The following ADGRL4 variants were observed in gnomAD, a reference collection of about 807,000 sequenced individuals.
ADGRL4 encodes the protein EGF, latrophilin and seven transmembrane domain containing 1.
In ADGRL4, 90 loss-of-function variants were observed where a neutral mutation model predicts 74.8. That is an observed-to-expected ratio of 1.20 (90% confidence interval 1.02 to 1.43). The LOEUF is 1.43. ADGRL4 is among the 40% of genes most tolerant of loss of function. ADGRL4 has a pLI of 0.00. For synonymous variants in ADGRL4, 311 were observed against 279.2 expected (o/e 1.11, Z -1.14); for missense variants, 881 against 814.3 (o/e 1.08, Z -1.00).
At chr1:78,929,040 T>A (rs1649182238) in intron 7 of ADGRL4, among the ~76,000 whole-genome samples, 1 of 151,614 alleles carries the variant, frequency 6.6e-6, no homozygotes, top group African/African-American at 2.4e-5. Context: ...TATGCTGCTT[T>A]ATTTTTTCAC....
intron 2 of ADGRL4, among the ~76,000 whole-genome samples, chr1:78,993,823 T>C (rs1650662869): frequency 6.6e-6 from 1 of 152,182 alleles, no homozygotes; most frequent in African/African-American, 2.4e-5. Context: ...TCCGTCCGCC[T>C]TGGCCTCCCA....
At chr1:78,972,180 A>C (rs1279937187) in intron 2 of ADGRL4, among the ~76,000 whole-genome samples, 1 of 152,174 alleles carries the variant, frequency 6.6e-6, no homozygotes, top group African/African-American at 2.4e-5. Context: ...ATTATCCTTC[A>C]TTTGCTACTT....
intron 2 of ADGRL4, among the ~76,000 whole-genome samples, chr1:78,981,626 C>T (rs764966934): frequency 7.3e-5 from 11 of 151,706 alleles, no homozygotes; most frequent in Non-Finnish European, 1.3e-4. Flanking sequence ...AACATATTAA[C>T]CATATTGTAT....
In ADGRL4 at chr1:78,890,390, CA is replaced by C. The variant is rs1401888129; in HGVS notation, c.*763del. ...ATTTATATTTTACTGATTAACTATC[CA>C]AAGTCACAATCTGTGAAATAAGTAA... On this transcript the variant is annotated 3_prime_UTR_variant, in exon 15 of 15. Transcript: ENST00000370742. 1.3e-5 allele frequency: 2 copies of C among 151,222 alleles called. No individual in the cohort carries two copies. The highest frequency in any genetic ancestry group is 3.9e-4 in the East Asian group (2 of 5,170). The allele number at this position is 151,222 out of a possible 1,614,324, so 9.4% of individuals were successfully genotyped here.
chr1:78,982,238 C>A (rs1389144007), intron 2 of ADGRL4, among the ~76,000 whole-genome samples: 5 of 151,864 alleles, frequency 3.3e-5, no homozygotes, highest in African/African-American at 1.2e-4. Flanking sequence ...CTCACAATTT[C>A]ATGCTTTAAC....
intron 2 of ADGRL4, among the ~76,000 whole-genome samples, chr1:78,983,617 T>C (rs1313841387): frequency 6.6e-6 from 1 of 151,800 alleles, no homozygotes; most frequent in Non-Finnish European, 1.5e-5. Context: ...AAGAGGAACA[T>C]TCAATTGAAA....
chr1:78,914,271 G>A (rs1228975943), intron 12 of ADGRL4, among the ~76,000 whole-genome samples: 1 of 151,812 alleles, frequency 6.6e-6, no homozygotes, highest in Non-Finnish European at 1.5e-5. Context: ...CATCTTACCA[G>A]TATGACTTAT....
intron 3 of ADGRL4, chr1:78,939,660 G>T (rs1439010482): frequency 2.0e-5 from 3 of 152,956 alleles, no homozygotes; most frequent in African/African-American, 7.2e-5. Context: ...TTGGCAGTAA[G>T]CGCCATCATT....
chr1:78,976,729 AG>A (rs914401429), intron 2 of ADGRL4, among the ~76,000 whole-genome samples: 7 of 151,566 alleles, frequency 4.6e-5, no homozygotes, highest in African/African-American at 1.4e-4. Context: ...AAGCTTGTTC[AG>A]GAAGAAATAA....
chr1:78,995,769 G>T (rs1650699747), intron 2 of ADGRL4, among the ~76,000 whole-genome samples: 1 of 152,182 alleles, frequency 6.6e-6, no homozygotes, highest in Admixed American at 6.5e-5. Context: ...AGTCCAATCT[G>T]CTCATTTTAG....
intron 9 of ADGRL4, 42 bp from the exon 10 acceptor site, chr1:78,920,428 C>T (rs1648973031): frequency 1.6e-6 from 2 of 1,285,132 alleles, no homozygotes; most frequent in Non-Finnish European, 2.2e-6. Context: ...GAATAACTCA[C>T]TAAGTTGTCA....
At chr1:78,915,137 G>A (rs753910413) in intron 12 of ADGRL4, among the ~76,000 whole-genome samples, 6 of 151,816 alleles carry the variant, frequency 4.0e-5, no homozygotes, top group Non-Finnish European at 8.8e-5. Context: ...AATAGCTCAA[G>A]TCTTTGAGTT....
At chr1:79,005,522 A>G (rs1285026389) in intron 1 of ADGRL4, among the ~76,000 whole-genome samples, 1 of 152,202 alleles carries the variant, frequency 6.6e-6, no homozygotes, top group Non-Finnish European at 1.5e-5. Context: ...TCAGTATAGC[A>G]TGTTGATTAA....
chr1:78,918,051 C>G lies in ADGRL4; in HGVS notation c.1462-1G>C, dbSNP rs1648915663. 3.2e-6 allele frequency: 5 copies of G among 1,559,478 alleles called. No individual in the cohort carries two copies. Among genetic ancestry groups the G allele is most frequent in the Admixed American group, 1.9e-5 (1 of 51,376 alleles). ...GTCCGGCAATGATTGAACAGAAGAG[C>G]TAGAAATCAAAGAAAAAAAAAAAAA... On this transcript the variant is annotated splice_acceptor_variant, in intron 10 of 14. Coordinates refer to ENST00000370742, the MANE Select transcript of ADGRL4 (RefSeq NM_022159.4). LOFTEE classifies it high-confidence loss of function.
chr1:78,945,900 G>A (rs1649590339), intron 3 of ADGRL4, among the ~76,000 whole-genome samples: 1 of 151,902 alleles, frequency 6.6e-6, no homozygotes, highest in Non-Finnish European at 1.5e-5. Flanking sequence ...TATTTACAAA[G>A]GCCTCAGTAT....
rs568418509 is a variant in ADGRL4, at chr1:78,938,656, T to C, written c.397-377A>G. Among the ~76,000 whole-genome samples the C allele has an allele frequency of 3.4e-4, 51 of 152,228 alleles. 1 individual carries two copies. Among genetic ancestry groups the C allele is most frequent in the Non-Finnish European group, 6.9e-4 (47 of 67,918 alleles). On this transcript the variant is annotated intron_variant, in intron 4 of 14. Coordinates refer to ENST00000370742, the MANE Select transcript of ADGRL4 (RefSeq NM_022159.4). ...TATTGATATCCTAAGCAATAAATGA[T>C]AATACTTTAAATTAGATTTTAATCA...
chr1:78,909,541 C>G (rs149281061), intron 12 of ADGRL4, among the ~76,000 whole-genome samples: 17 of 151,966 alleles, frequency 1.1e-4, no homozygotes, highest in African/African-American at 3.9e-4. Flanking sequence ...AAGATTTGAT[C>G]CAACGTGTCA....
At chr1:78,902,772 C>A (rs1042077546) in intron 12 of ADGRL4, among the ~76,000 whole-genome samples, 1 of 152,000 alleles carries the variant, frequency 6.6e-6, no homozygotes, top group Non-Finnish European at 1.5e-5. Flanking sequence ...CCAAATTAGT[C>A]ATGATACCAG....
intron 12 of ADGRL4, among the ~76,000 whole-genome samples, chr1:78,907,763 C>T (rs1490599933): frequency 6.6e-6 from 1 of 151,714 alleles, no homozygotes; most frequent in Non-Finnish European, 1.5e-5. Flanking sequence ...TACATAGAAC[C>T]TCTTAGGAAG....
Sources: allele counts gnomAD v4.1 joint callset (sites outside exome capture counted in the v4.1 genomes callset), GRCh38; gene constraint gnomAD v4.1.1; transcripts MANE v1.5; gene names NCBI Gene and HGNC (gene_info 2026-07-23, HGNC 2026-07-21).